DPH3: variants seen among roughly 807,000 people sequenced by gnomAD.
DPH3 encodes diphthamide biosynthesis 3, also known as diphthamide biosynthesis protein 3.
Under a neutral mutation model 10.2 loss-of-function variants are expected in DPH3, and 8 were observed. That is an observed-to-expected ratio of 0.79 (90% confidence interval 0.46 to 1.42). The LOEUF is 1.42. Among genes scored for constraint, DPH3 ranks in the 40% most tolerant of loss-of-function variants. The pLI is 0.00. For synonymous variants in DPH3, 35 were observed against 35.6 expected, an observed-to-expected ratio of 0.98 and a Z score of 0.06; for missense variants, 96 against 98.9, an observed-to-expected ratio of 0.97 and a Z score of 0.12.
At position 16,264,908 on chromosome 3, in the gene DPH3, C is replaced by CCAG; in HGVS notation, c.-35_-33dup. The CCAG allele has an allele frequency of 9.3e-6, 15 of 1,611,792 alleles. No individual in the cohort carries two copies. The highest frequency in any genetic ancestry group is 1.3e-5 in the Non-Finnish European group (15 of 1,178,194). On this transcript the variant is annotated 5_prime_UTR_variant, in exon 1 of 3. Coordinates refer to ENST00000488423, the MANE Select transcript of DPH3 (RefSeq NM_206831.3). ...CGGGGGTGGCCGAAGGGGTAACGCCCCAGCAGTCCGAGGCCAGCTCCGAGG... is the reference window on the plus strand; with the variant it reads ...CGGGGGTGGCCGAAGGGGTAACGCCCCAGCAGCAGTCCGAGGCCAGCTCCGAGG...
chr3:16,262,181 T>C lies in DPH3; in HGVS notation c.184-1352A>G, dbSNP rs139719004. 1.4e-3 allele frequency among the ~76,000 whole-genome samples: 208 copies of C among 152,322 alleles called. No individual in the cohort carries two copies. Among genetic ancestry groups the C allele is most frequent in the African/African-American group, 4.8e-3 (201 of 41,586 alleles). On this transcript the variant is annotated intron_variant, in intron 2 of 2. Transcript: ENST00000488423. The surrounding 1 kb of genome is among the most constrained non-coding windows in gnomAD (Gnocchi z 4.7). The stretch of plus-strand genomic sequence containing the variant: ...TCTATCACCACTGGTTACTGTCCCA[T>C]GTCTGTGCTCTCCTTTGCAGCAAAC...
rs2064334053 is a variant in DPH3, at chr3:16,263,823, A to G, written c.183+332T>C. Among the ~76,000 whole-genome samples, 1 of 152,248 alleles carries G rather than the reference A, an allele frequency of 6.6e-6. No homozygotes were observed. On this transcript the variant is annotated intron_variant, in intron 2 of 2. Coordinates refer to ENST00000488423, the MANE Select transcript of DPH3 (RefSeq NM_206831.3). The surrounding 1 kb of genome is among the most constrained non-coding windows in gnomAD (Gnocchi z 4.0). ...TTGTTCCCTTCAAAGTAAGTCTAGC[A>G]GCTCTAAACAATTTTAATTACATAT...
intron 1 of DPH3, 192 bp from the exon 2 acceptor site, chr3:16,264,421 T>C (rs2064354887): frequency 5.4e-6 from 3 of 556,700 alleles, no homozygotes; most frequent in Non-Finnish European, 9.5e-6. Flanking sequence ...GGGAAACACC[T>C]AGGAAGGTCA....
At chr3:16,260,893 A>G in intron 2 of DPH3, 64 bp from the exon 3 acceptor site, 1 of 1,431,546 alleles carries the variant, frequency 7.0e-7, no homozygotes, top group Non-Finnish European at 9.8e-7. Context: ...TTAATATTAA[A>G]CCTTCATTTT....
rs2064267436 is a variant in DPH3, at chr3:16,258,375, T to C, written c.*2389A>G. The C allele has an allele frequency of 6.6e-6, 1 of 152,312 alleles. No homozygotes were observed. The highest frequency in any genetic ancestry group is 3.4e-3 in the Middle Eastern group (1 of 294). The allele number at this position is 152,312 out of a possible 1,614,324, so 9.4% of individuals were successfully genotyped here. A position where few individuals can be genotyped will look rare whatever the true frequency, so the allele number is the denominator to read the frequency against. On this transcript the variant is annotated 3_prime_UTR_variant, in exon 3 of 3. Coordinates refer to ENST00000488423, the MANE Select transcript of DPH3 (RefSeq NM_206831.3). ...AAGATTACGAAGCTAAAAAGAGACA[T>C]AGCCTGGATTACAAGTCAGTTTTTA...
Position 16,260,586 on chromosome 3 carries a change from T to A in DPH3, c.*178A>T. The A allele has an allele frequency of 3.9e-6, 2 of 509,744 alleles. No homozygotes were observed. 31.6% of individuals were successfully genotyped at this position (509,744 alleles called of 1,614,324 possible). On this transcript the variant is annotated 3_prime_UTR_variant, in exon 3 of 3. Transcript: ENST00000488423. ...TAAGGTTCTAAGCACAAAATCCAGA[T>A]ATGTCATGTTATGGACTTGCTTCCT... is the stretch of plus-strand genomic sequence containing the variant.
At position 16,257,065 on chromosome 3, in the gene DPH3, G is replaced by A. The variant is rs527288471; in HGVS notation, c.*3699C>T. Among the ~76,000 whole-genome samples, 2 of 152,318 alleles carry A rather than the reference G, an allele frequency of 1.3e-5. No homozygotes were observed. Among genetic ancestry groups the A allele is most frequent in the East Asian group, 1.9e-4 (1 of 5,178 alleles). On this transcript the variant is annotated 3_prime_UTR_variant, in exon 3 of 3. Transcript: ENST00000488423. ...TGAACTCCCCAGGCGCCAGACTCATGAGCCAAATTAACCTTTATTCTTGAT... is the reference window on the plus strand; with the variant it reads ...TGAACTCCCCAGGCGCCAGACTCATAAGCCAAATTAACCTTTATTCTTGAT...
At chr3:16,264,262 T>C (rs746033983) in intron 1 of DPH3, 33 bp from the exon 2 acceptor site, 2 of 1,554,882 alleles carry the variant, frequency 1.3e-6, no homozygotes, top group Admixed American at 1.8e-5. Context: ...GTGGTCAGGA[T>C]AGCTTCTCTT....
rs1376780314 is a variant in DPH3 at position 16,262,651 on chromosome 3, T to C, written c.183+1504A>G. On this transcript the variant is annotated intron_variant, in intron 2 of 2. Transcript: ENST00000488423. This position sits in a 1 kb window ranked among gnomAD's most constrained non-coding sequence, Gnocchi z 4.7. The stretch of plus-strand genomic sequence containing the variant: ...CTATCTGTTACTGATAACTCCCAAA[T>C]TGACATTGCTAGCCAATCTCTCTCA... 1.3e-5 allele frequency among the ~76,000 whole-genome samples: 2 copies of C among 152,202 alleles called. No individual in the cohort carries two copies. The highest frequency in any genetic ancestry group is 2.4e-5 in the African/African-American group (1 of 41,454).
At position 16,257,187 on chromosome 3, in the gene DPH3, C is replaced by T. The variant is rs1414374284; in HGVS notation, c.*3577G>A. ...TTCCTTTCGGAGTTAGAATAGTTAA[C>T]CATTTTTTGCACATGACAGGCATTA... On this transcript the variant is annotated 3_prime_UTR_variant, in exon 3 of 3. Coordinates refer to ENST00000488423, the MANE Select transcript of DPH3 (RefSeq NM_206831.3). 6.6e-6 allele frequency among the ~76,000 whole-genome samples: 1 copy of T among 152,206 alleles called. No individual in the cohort carries two copies. The highest frequency in any genetic ancestry group is 1.5e-5 in the Non-Finnish European group (1 of 68,040).
chr3:16,264,190 T>C lies in DPH3; in HGVS notation c.148A>G (p.Ser50Gly), dbSNP rs1338088728. 6.2e-7 allele frequency: 1 copy of C among 1,611,824 alleles called. No homozygotes were observed. The highest frequency in any genetic ancestry group is 1.7e-5 in the Admixed American group (1 of 59,962). The change falls in exon 2 of 3, where the codon AGC becomes GGC. Residue 50 changes from serine (S) to glycine (G), a missense_variant. Coordinates refer to ENST00000488423, the MANE Select transcript of DPH3 (RefSeq NM_206831.3). Reference sequence around the variant, plus strand: ...ATCACTTTTATAATGAGAGAGCAGCTAGGACACGTTGCCACGTCTTCCCCA... The same window carrying C: ...ATCACTTTTATAATGAGAGAGCAGCCAGGACACGTTGCCACGTCTTCCCCA... Reference protein sequence around the residue: ...ENGEDVATCPSCSLIIKVIYD... With the variant: ...ENGEDVATCPGCSLIIKVIYD...
chr3:16,260,719 T>C lies in DPH3; in HGVS notation c.*45A>G, dbSNP rs200990613. 580 of 1,544,466 alleles carry C rather than the reference T, an allele frequency of 3.8e-4. 1 individual carries two copies. Among genetic ancestry groups the C allele is most frequent in the Non-Finnish European group, 3.7e-5 (41 of 1,119,316 alleles). ...TAGCTTTGCATTCGATATTTCTATC[T>C]GGGCTCATTCCAAATGTTCAGGATT... On this transcript the variant is annotated 3_prime_UTR_variant, in exon 3 of 3. Transcript: ENST00000488423.
chr3:16,264,724 A>G lies in DPH3; in HGVS notation c.108+45T>C, dbSNP rs972439810. ...TGATGGAAGGAACGGGCGGAACCAAACTGCGCTTGCTTGGGTGAACCGCCG... is the reference window on the plus strand; with the variant it reads ...TGATGGAAGGAACGGGCGGAACCAAGCTGCGCTTGCTTGGGTGAACCGCCG... On this transcript the variant is annotated intron_variant, in intron 1 of 2. Transcript: ENST00000488423. The G allele has an allele frequency of 1.9e-6, 3 of 1,589,812 alleles. No homozygotes were observed. The African/African-American group carries it at 4.0e-5, about 21-fold the overall frequency.
In DPH3 at chr3:16,263,264, C is replaced by A. The variant is rs1272616673; in HGVS notation, c.183+891G>T. ...TCTTAGGTCCCCTTCACTGAACGAT[C>A]CTTTGCTCGACTCTCTTACCTCATA... On this transcript the variant is annotated intron_variant, in intron 2 of 2. Transcript: ENST00000488423. The surrounding 1 kb of genome is among the most constrained non-coding windows in gnomAD (Gnocchi z 4.0). 6.6e-6 allele frequency among the ~76,000 whole-genome samples: 1 copy of A among 152,144 alleles called. No homozygotes were observed. The highest frequency in any genetic ancestry group is 1.5e-5 in the Non-Finnish European group (1 of 68,024).
intron 2 of DPH3, 151 bp downstream of exon 2, chr3:16,264,004 T>C: frequency 2.4e-6 from 1 of 420,414 alleles, no homozygotes; most frequent in Non-Finnish European, 4.3e-6. Context: ...ATTCGGCTGT[T>C]TATCAATGGT....
chr3:16,264,686 A>G, intron 1 of DPH3, 83 bp downstream of exon 1: 1 of 1,363,528 alleles, frequency 7.3e-7, no homozygotes, highest in Non-Finnish European at 1.0e-6. Flanking sequence ...ACAGCGCAGC[A>G]AAGGCTACCC....
In DPH3 at chr3:16,264,173, T is replaced by A. The variant is rs201593495; in HGVS notation, c.165A>T (p.Ile55=). The change falls in exon 2 of 3, where the codon ATA becomes ATT. Residue 55 remains isoleucine (I), a synonymous_variant. Transcript: ENST00000488423. ...VATCPSCSLI[I]KVIYDKDQFV... Reference sequence around the variant, plus strand: ...CCCTTACTTTGTCATAAATCACTTTTATAATGAGAGAGCAGCTAGGACACG... The same window carrying A: ...CCCTTACTTTGTCATAAATCACTTTAATAATGAGAGAGCAGCTAGGACACG... 1.2e-6 allele frequency: 2 copies of A among 1,611,058 alleles called. No homozygotes were observed.
Position 16,264,225 on chromosome 3 carries a change from TC to T in DPH3, c.112del (p.Asp38IlefsTer18). The T allele has an allele frequency of 6.2e-7, 1 of 1,603,658 alleles. No homozygotes were observed. The highest frequency in any genetic ancestry group is 8.5e-7 in the Non-Finnish European group (1 of 1,173,200). On this transcript the variant is annotated frameshift_variant, in exon 2 of 3. Coordinates refer to ENST00000488423, the MANE Select transcript of DPH3 (RefSeq NM_206831.3). LOFTEE classifies it high-confidence loss of function. ...CGDNFSITKE[D>X]LENGEDVATC... is the part of the protein sequence containing the mutation. ...TGCCACGTCTTCCCCATTCTCCAAA[TC>T]TTCCTACAACGAAATCAAATACCAT...
chr3:16,260,577 A>G lies in DPH3; in HGVS notation c.*187T>C. 2.0e-6 allele frequency: 1 copy of G among 498,174 alleles called. No homozygotes were observed. Among genetic ancestry groups the G allele is most frequent in the Non-Finnish European group, 3.7e-6 (1 of 272,750 alleles). The allele number at this position is 498,174 out of a possible 1,614,324, so 30.9% of individuals were successfully genotyped here. On this transcript the variant is annotated 3_prime_UTR_variant, in exon 3 of 3. Coordinates refer to ENST00000488423, the MANE Select transcript of DPH3 (RefSeq NM_206831.3). Reference sequence around the variant, plus strand: ...CTTCCAATTTAAGGTTCTAAGCACAAAATCCAGATATGTCATGTTATGGAC... The same window carrying G: ...CTTCCAATTTAAGGTTCTAAGCACAGAATCCAGATATGTCATGTTATGGAC...
Sources: gnomAD v4.1 joint callset for allele counts (sites outside exome capture counted in the v4.1 genomes callset) on GRCh38, gnomAD v4.1.1 for gene constraint, Gnocchi (gnomAD v3.1) non-coding constraint, MANE v1.5 for transcripts, NCBI Gene and HGNC (gene_info 2026-07-23, HGNC 2026-07-21) for gene names.